Variants in FRAS1 observed in about 807,000 individuals in gnomAD.
FRAS1 encodes the protein Fraser extracellular matrix complex subunit 1, also known as extracellular matrix organizing protein FRAS1.
A neutral mutation model predicts 435.2 loss-of-function variants in FRAS1; 290 were observed. The ratio of observed to expected loss-of-function variants is 0.67; its 90% CI spans 0.61 to 0.73. The LOEUF is 0.73. FRAS1 is among the 30% of genes least tolerant of loss of function. FRAS1 has a pLI of 0.00. For missense variants in FRAS1, 4,860 were observed against 5,001.5 expected (o/e 0.97, Z 0.85); for synonymous variants, 1,800 against 1,851.0 (o/e 0.97, Z 0.71).
intron 2 of FRAS1, among the ~76,000 whole-genome samples, chr4:78,211,491 T>C (rs1055798561): frequency 2.0e-5 from 3 of 152,146 alleles, no homozygotes; most frequent in East Asian, 1.9e-4. Context: ...CACAGATCCA[T>C]GGAGAAGGCA....
At chr4:78,379,673 C>G in intron 26 of FRAS1, 53 bp from the exon 27 acceptor site, 1 of 1,538,032 alleles carries the variant, frequency 6.5e-7, no homozygotes, top group South Asian at 1.2e-5. Flanking sequence ...GGGAAAGTGA[C>G]CTAATTAGTG....
At chr4:78,289,511 T>A (rs1727781828) in intron 14 of FRAS1, among the ~76,000 whole-genome samples, 1 of 152,062 alleles carries the variant, frequency 6.6e-6, no homozygotes, top group Admixed American at 6.6e-5. Context: ...CAGATGTAGG[T>A]TGCCTTTTTT....
At chr4:78,308,512 C>T (rs528804219) in intron 15 of FRAS1, among the ~76,000 whole-genome samples, 1 of 152,374 alleles carries the variant, frequency 6.6e-6, no homozygotes, top group South Asian at 2.1e-4. Context: ...GCTGGGCTCC[C>T]ACCCAGGCTT....
intron 5 of FRAS1, 21 bp downstream of exon 5, chr4:78,252,572 G>A (rs753818765): frequency 5.6e-6 from 9 of 1,603,956 alleles, no homozygotes; most frequent in Non-Finnish European, 7.7e-6. Flanking sequence ...GCTTGTAGAA[G>A]GGGACCCTCT....
intron 2 of FRAS1, 25 bp from the exon 3 acceptor site, chr4:78,237,485 A>T (rs1253167144): frequency 7.1e-6 from 11 of 1,554,262 alleles, no homozygotes; most frequent in Non-Finnish European, 9.8e-6. Context: ...TCAGTTTTTA[A>T]ATCAGAGCTT....
At chr4:78,290,138 C>T (rs1052102441) in intron 14 of FRAS1, among the ~76,000 whole-genome samples, 1 of 151,992 alleles carries the variant, frequency 6.6e-6, no homozygotes, top group Non-Finnish European at 1.5e-5. Flanking sequence ...CAACACGCAC[C>T]ATGTAAGATT....
At chr4:78,414,276 C>T (rs1157502470) in intron 32 of FRAS1, among the ~76,000 whole-genome samples, 1 of 152,136 alleles carries the variant, frequency 6.6e-6, no homozygotes, top group African/African-American at 2.4e-5. Flanking sequence ...ACAGGTCTTG[C>T]CAAATGCTAA....
intron 1 of FRAS1, among the ~76,000 whole-genome samples, chr4:78,059,509 A>G (rs28659785): frequency 0.32 from 31,014 of 98,364 alleles, 3,420 homozygotes; most frequent in African/African-American, 0.4. Flanking sequence ...CGTACTTTGG[A>G]AAAAAAAAAA....
chr4:78,347,644 C>T (rs1332947608), intron 20 of FRAS1, among the ~76,000 whole-genome samples: 1 of 152,186 alleles, frequency 6.6e-6, no homozygotes, highest in African/African-American at 2.4e-5. Context: ...CCTCAACTGG[C>T]ACCATCTGCA....
intron 2 of FRAS1, among the ~76,000 whole-genome samples, chr4:78,092,761 C>A (rs58740255): frequency 0.061 from 9,338 of 152,198 alleles, 774 homozygotes; most frequent in African/African-American, 0.19. Flanking sequence ...CCATAAAGAG[C>A]CTTTTTCTGT....
intron 13 of FRAS1, 49 bp downstream of exon 13, chr4:78,284,597 A>G (rs759126928): frequency 1.3e-6 from 2 of 1,522,160 alleles, no homozygotes; most frequent in Non-Finnish European, 1.8e-6. Flanking sequence ...TGGGAGATAG[A>G]CTCATCAAAG....
At position 78,534,611 on chromosome 4, in the gene FRAS1, A is replaced by C; in HGVS notation, c.11088A>C (p.Ser3696=). The change falls in exon 71 of 74, where the codon TCA becomes TCC. Residue 3696 remains serine, a synonymous_variant. Coordinates refer to ENST00000512123, the MANE Select transcript of FRAS1 (RefSeq NM_025074.7). ...AAATGGATTACAAAGGAGCCTTTTC[A>C]AAAGGTGAGTTGCTTCCTCCACCTG... ...LAEMDYKGAF[S]KGQILYGRVL... is the part of the protein sequence containing the mutation. 1 of 1,612,356 alleles carries C rather than the reference A, an allele frequency of 6.2e-7. No homozygotes were observed. Among genetic ancestry groups the C allele is most frequent in the Non-Finnish European group, 8.5e-7 (1 of 1,178,908 alleles).
intron 20 of FRAS1, among the ~76,000 whole-genome samples, chr4:78,354,123 C>A (rs1260644124): frequency 6.6e-6 from 1 of 150,880 alleles, no homozygotes; most frequent in Non-Finnish European, 1.5e-5. Context: ...TAGAGCTTTG[C>A]TTTTACATTT....
At chr4:78,388,570 A>G (rs1732318547) in intron 29 of FRAS1, among the ~76,000 whole-genome samples, 1 of 151,944 alleles carries the variant, frequency 6.6e-6, no homozygotes, top group Non-Finnish European at 1.5e-5. Context: ...GGTTGAGGTA[A>G]GGGGATCACT....
At chr4:78,365,634 A>C (rs1275377778) in intron 22 of FRAS1, among the ~76,000 whole-genome samples, 2 of 152,058 alleles carry the variant, frequency 1.3e-5, no homozygotes, top group Non-Finnish European at 2.9e-5. Context: ...ATTTCATAGA[A>C]TATTTCAGTT....
At chr4:78,301,472 C>CT (rs1728389939) in intron 14 of FRAS1, among the ~76,000 whole-genome samples, 1 of 151,808 alleles carries the variant, frequency 6.6e-6, no homozygotes, top group Non-Finnish European at 1.5e-5. Flanking sequence ...GAAAAGCAAG[C>CT]TTTGTGAGTT....
At chr4:78,488,394 C>G (rs1720239018) in intron 58 of FRAS1, among the ~76,000 whole-genome samples, 1 of 152,064 alleles carries the variant, frequency 6.6e-6, no homozygotes, top group Non-Finnish European at 1.5e-5. Context: ...TACTTATGTC[C>G]CCACTCTTTC....
intron 27 of FRAS1, among the ~76,000 whole-genome samples, chr4:78,381,949 C>T (rs965997995): frequency 1.3e-5 from 2 of 152,116 alleles, no homozygotes; most frequent in African/African-American, 4.8e-5. Context: ...GGTAGAAACC[C>T]ATGGAAAATA....
Position 78,439,051 on chromosome 4 carries a change from C to G in FRAS1, c.5516C>G (p.Ala1839Gly). Residue 1839 changes from alanine to glycine, a missense_variant, in exon 40 of 74, where the codon GCT becomes GGT. Transcript: ENST00000512123. ...AATCCACCTCCAGTCATTGCTTTTGCTGACCTTATCACGGTAAACAATTCT... is the reference window on the plus strand; with the variant it reads ...AATCCACCTCCAGTCATTGCTTTTGGTGACCTTATCACGGTAAACAATTCT... ...AENPPPVIAF[A>G]DLITVDEGGR... 1.9e-6 allele frequency: 3 copies of G among 1,612,802 alleles called. No individual in the cohort carries two copies. The highest frequency in any genetic ancestry group is 1.7e-6 in the Non-Finnish European group (2 of 1,179,314).
Sources: allele counts gnomAD v4.1 joint callset (sites outside exome capture counted in the v4.1 genomes callset), GRCh38; gene constraint gnomAD v4.1.1; transcripts MANE v1.5; gene names NCBI Gene and HGNC (gene_info 2026-07-23, HGNC 2026-07-21).